Variants in CBFA2T2 observed in about 807,000 individuals in gnomAD.
The protein encoded by CBFA2T2 is protein CBFA2T2.
A neutral mutation model predicts 62.2 loss-of-function variants in CBFA2T2; 11 were observed. That is an observed-to-expected ratio of 0.18 (90% CI 0.11 to 0.29). The LOEUF is 0.29. Ranked by LOEUF, CBFA2T2 falls within the 10% of genes least tolerant of loss-of-function variation. The pLI, the probability that CBFA2T2 is intolerant of heterozygous loss-of-function variation, is 1.00. For missense variants in CBFA2T2, 592 were observed against 774.1 expected (o/e 0.76, Z 2.79); for synonymous variants, 295 against 287.5 (o/e 1.03, Z -0.27).
intron 1 of CBFA2T2, among the ~76,000 whole-genome samples, chr20:33,504,402 A>C (rs1234052068): frequency 5.1e-5 from 7 of 137,748 alleles, no homozygotes; most frequent in Admixed American, 3.7e-4. Flanking sequence ...TTCATATTTA[A>C]CTTTTTTTTT....
At chr20:33,564,353 C>T (rs537605359) in intron 1 of CBFA2T2, among the ~76,000 whole-genome samples, 170 of 151,560 alleles carry the variant, frequency 1.1e-3, no homozygotes, top group Middle Eastern at 3.4e-3. Flanking sequence ...ACCTCCACCT[C>T]CCGGGTTCAA....
intron 1 of CBFA2T2, among the ~76,000 whole-genome samples, chr20:33,591,525 A>G (rs1429100548): frequency 2.0e-5 from 3 of 152,028 alleles, no homozygotes; most frequent in South Asian, 2.1e-4. Flanking sequence ...AAGAAAAGAA[A>G]AATATTTGTC....
intron 1 of CBFA2T2, among the ~76,000 whole-genome samples, chr20:33,564,334 C>T (rs1327053434): frequency 6.6e-6 from 1 of 150,994 alleles, no homozygotes; most frequent in East Asian, 1.9e-4. Flanking sequence ...GCGGTCTCGG[C>T]TCACTGCAAC....
chr20:33,619,457 G>T, intron 3 of CBFA2T2, 60 bp from the exon 4 acceptor site: 2 of 798,930 alleles, frequency 2.5e-6, no homozygotes, highest in South Asian at 2.0e-5. Context: ...AGAAGAGTTT[G>T]GCACTATAAG....
chr20:33,539,690 T>G (rs2012359855), intron 1 of CBFA2T2, among the ~76,000 whole-genome samples: 1 of 150,986 alleles, frequency 6.6e-6, no homozygotes, highest in African/African-American at 2.4e-5. Context: ...TTTTTGTGTT[T>G]TTTTTTTTTT....
intron 8 of CBFA2T2, among the ~76,000 whole-genome samples, chr20:33,631,270 C>T (rs560587760): frequency 1.3e-5 from 2 of 152,292 alleles, no homozygotes; most frequent in East Asian, 3.9e-4. Context: ...GCCGAGATCG[C>T]GCCATTGCAC....
At chr20:33,609,015 C>T (rs1204364446) in intron 2 of CBFA2T2, among the ~76,000 whole-genome samples, 1 of 152,134 alleles carries the variant, frequency 6.6e-6, no homozygotes, top group African/African-American at 2.4e-5. Context: ...GAAAACTCAC[C>T]CCTTTTCTCA....
At chr20:33,534,501 C>A (rs886782024) in intron 1 of CBFA2T2, among the ~76,000 whole-genome samples, 1 of 151,884 alleles carries the variant, frequency 6.6e-6, no homozygotes, top group Admixed American at 6.6e-5. Flanking sequence ...TTAGTAGAGA[C>A]GAGGTTTCAC....
chr20:33,643,250 A>G (rs924717010), intron 10 of CBFA2T2, among the ~76,000 whole-genome samples: 9 of 152,108 alleles, frequency 5.9e-5, no homozygotes, highest in African/African-American at 2.2e-4. Flanking sequence ...TCTCTGTTCA[A>G]TGAGTATAGC....
At chr20:33,597,753 A>G (rs567117073) in intron 1 of CBFA2T2, among the ~76,000 whole-genome samples, 1 of 152,190 alleles carries the variant, frequency 6.6e-6, no homozygotes, top group Non-Finnish European at 1.5e-5. Flanking sequence ...CGGTAGGTAC[A>G]TGGCCTCCCA....
At chr20:33,557,582 C>G (rs570567413) in intron 1 of CBFA2T2, among the ~76,000 whole-genome samples, 1 of 152,248 alleles carries the variant, frequency 6.6e-6, no homozygotes, top group Non-Finnish European at 1.5e-5. Context: ...TCATAGTTCA[C>G]TGCAGCCTCA....
chr20:33,636,605 C>T (rs1371701418), intron 8 of CBFA2T2, 35 bp from the exon 9 acceptor site: 1 of 1,535,214 alleles, frequency 6.5e-7, no homozygotes. Flanking sequence ...TCATAGACAG[C>T]TTCTGACCCT....
At chr20:33,545,376 G>A (rs905117176) in intron 1 of CBFA2T2, among the ~76,000 whole-genome samples, 2 of 152,056 alleles carry the variant, frequency 1.3e-5, no homozygotes, top group East Asian at 3.8e-4. Context: ...CAAGTTATTA[G>A]TGGGATTGTT....
At chr20:33,642,108 TTTTTTTTTTGTGTGTGTG>T (rs1468544506) in intron 10 of CBFA2T2, among the ~76,000 whole-genome samples, 1,093 of 55,382 alleles carry the variant, frequency 0.02, 21 homozygotes, top group African/African-American at 0.051. Flanking sequence ...CCTTTGTCTT[TTTTTTTTTTGTGTGTGTG>T]TGTGTGTGTG....
At chr20:33,499,922 GTTCA>G (rs2146846094) in intron 1 of CBFA2T2, among the ~76,000 whole-genome samples, 1 of 152,160 alleles carries the variant, frequency 6.6e-6, no homozygotes, top group South Asian at 2.1e-4. Context: ...TTGGTGTCAA[GTTCA>G]TTCATTATGC....
intron 9 of CBFA2T2, 21 bp downstream of exon 9, chr20:33,636,729 A>T (rs758294228): frequency 6.4e-7 from 1 of 1,564,496 alleles, no homozygotes; most frequent in African/African-American, 1.4e-5. Context: ...GACTGCTTGT[A>T]GGTCATACAT....
At chr20:33,494,270 TATA>T (rs1457149022) in intron 1 of CBFA2T2, among the ~76,000 whole-genome samples, 654 of 42,648 alleles carry the variant, frequency 0.015, 96 homozygotes, top group Non-Finnish European at 0.021. Flanking sequence ...TATATATATA[TATA>T]TTTTTTTTTT....
intron 1 of CBFA2T2, among the ~76,000 whole-genome samples, chr20:33,548,846 C>T (rs2012652114): frequency 6.6e-6 from 1 of 152,120 alleles, no homozygotes; most frequent in Admixed American, 6.6e-5. Flanking sequence ...GTTGCCGCTA[C>T]TCAGGAGGCT....
chr20:33,595,809 G>T (rs183298922), intron 1 of CBFA2T2, among the ~76,000 whole-genome samples: 11 of 152,242 alleles, frequency 7.2e-5, no homozygotes, highest in African/African-American at 2.4e-4. Context: ...CAAAGTGCTG[G>T]GATTACAGAC....
Sources: allele counts gnomAD v4.1 joint callset (sites outside exome capture counted in the v4.1 genomes callset), GRCh38; gene constraint gnomAD v4.1.1; transcripts MANE v1.5; gene names NCBI Gene and HGNC (gene_info 2026-07-23, HGNC 2026-07-21).